Variants in MROH9 observed in about 807,000 individuals in gnomAD.
The protein encoded by MROH9 is maestro heat-like repeat-containing protein family member 9.
MROH9 carries 92 observed loss-of-function variants against 98.2 expected under a neutral mutation model. The observed-to-expected ratio is 0.94, with a 90% CI of 0.79 to 1.11. The LOEUF is 1.11. Among genes scored for constraint, MROH9 ranks in the 50% most tolerant of loss-of-function variants. MROH9 has a pLI of 0.00. For synonymous variants in MROH9, 397 were observed against 368.9 expected, an observed-to-expected ratio of 1.08 and a Z score of -0.87; for missense variants, 1,057 against 1,014.8, an observed-to-expected ratio of 1.04 and a Z score of -0.57.
intron 20 of MROH9, among the ~76,000 whole-genome samples, chr1:171,033,058 C>T (rs1324096909): frequency 1.3e-5 from 2 of 152,246 alleles, no homozygotes; most frequent in African/African-American, 4.8e-5. Context: ...CTGCCACAGA[C>T]TGCCACAGCC....
intron 20 of MROH9, among the ~76,000 whole-genome samples, chr1:171,039,274 T>C (rs1653218462): frequency 6.6e-6 from 1 of 152,202 alleles, no homozygotes; most frequent in South Asian, 2.1e-4. Context: ...TAACATTGTA[T>C]TTATGAAATA....
rs1571462385 is a variant in MROH9 at position 170,971,434 on chromosome 1, C to T, written c.481-314C>T. On this transcript the variant is annotated intron_variant, in intron 7 of 21. Coordinates refer to ENST00000367759, the MANE Select transcript of MROH9 (RefSeq NM_001163629.2). ...AATTTGCTACCTGCAAGTGACTACCCACTTCATGGCATAGAAACTAACATT... is the reference window on the plus strand; with the variant it reads ...AATTTGCTACCTGCAAGTGACTACCTACTTCATGGCATAGAAACTAACATT... 3.3e-5 allele frequency among the ~76,000 whole-genome samples: 5 copies of T among 152,272 alleles called. No individual in the cohort carries two copies. In the South Asian group the frequency reaches 8.3e-4, roughly 25 times the overall value.
rs1653468780 is a variant in MROH9 at position 171,046,247 on chromosome 1, T to C, written c.2282-15885T>C. ...TCAATTAACCTTACTTTTTCATCCA[T>C]TCAGCAAGTCTATGTCTTTTGATTG... On this transcript the variant is annotated intron_variant, in intron 20 of 21. Coordinates refer to ENST00000367759, the MANE Select transcript of MROH9 (RefSeq NM_001163629.2). Among the ~76,000 whole-genome samples the C allele has an allele frequency of 5.9e-5, 9 of 152,204 alleles. 1 individual carries two copies. The highest frequency in any genetic ancestry group is 5.9e-4 in the Admixed American group (9 of 15,290).
intron 3 of MROH9, among the ~76,000 whole-genome samples, chr1:170,957,856 T>C (rs1649832653): frequency 6.6e-6 from 1 of 150,732 alleles, no homozygotes; most frequent in African/African-American, 2.4e-5. Flanking sequence ...TCACCCAGGC[T>C]GGAGTGCAGT....
chr1:170,996,074 A>G (rs1651554805), intron 13 of MROH9, among the ~76,000 whole-genome samples: 2 of 152,064 alleles, frequency 1.3e-5, no homozygotes, highest in Admixed American at 6.6e-5. Context: ...TGATTTTGCT[A>G]CCCTGCAGGG....
At chr1:171,034,157 A>G (rs951235158) in intron 20 of MROH9, among the ~76,000 whole-genome samples, 7 of 152,214 alleles carry the variant, frequency 4.6e-5, no homozygotes, top group African/African-American at 1.7e-4. Flanking sequence ...TATAAAATAT[A>G]GAATATTGCT....
intron 20 of MROH9, among the ~76,000 whole-genome samples, chr1:171,049,676 T>C (rs1250612377): frequency 1.3e-5 from 2 of 151,826 alleles, no homozygotes; most frequent in African/African-American, 4.8e-5. Flanking sequence ...TTAATGAGTT[T>C]TTTCTTTTTT....
intron 7 of MROH9, among the ~76,000 whole-genome samples, chr1:170,966,021 T>A (rs903900639): frequency 6.6e-6 from 1 of 152,086 alleles, no homozygotes; most frequent in African/African-American, 2.4e-5. Flanking sequence ...ATCATTTAAT[T>A]TTTTTCTGCT....
In MROH9 at chr1:171,011,660, G is replaced by A. The variant is rs536375088; in HGVS notation, c.1597-2457G>A. ...CCATTGGAAAACCTACTAGGATGAC[G>A]CCCAGACATGTGTAATGTATAAAAG... On this transcript the variant is annotated intron_variant, in intron 15 of 21. Coordinates refer to ENST00000367759, the MANE Select transcript of MROH9 (RefSeq NM_001163629.2). Among the ~76,000 whole-genome samples the A allele has an allele frequency of 5.3e-5, 8 of 152,112 alleles. No homozygotes were observed. In the South Asian group the frequency reaches 6.2e-4, roughly 12 times the overall value.
At chr1:171,044,128 T>C (rs879514645) in intron 20 of MROH9, among the ~76,000 whole-genome samples, 25 of 152,192 alleles carry the variant, frequency 1.6e-4, no homozygotes, top group Admixed American at 8.5e-4. Flanking sequence ...TTTTATTATG[T>C]TGATGTATAT....
At chr1:171,027,567 C>T (rs1652761187) in intron 20 of MROH9, among the ~76,000 whole-genome samples, 1 of 152,168 alleles carries the variant, frequency 6.6e-6, no homozygotes, top group African/African-American at 2.4e-5. Flanking sequence ...TGGTTATATA[C>T]ATAGTAAAGG....
At chr1:170,983,363 G>A in intron 8 of MROH9, 59 bp from the exon 9 acceptor site, 4 of 1,234,194 alleles carry the variant, frequency 3.2e-6, no homozygotes, top group Non-Finnish European at 4.7e-6. Context: ...AAATAGTAAT[G>A]TCATAGAACA....
chr1:170,991,389 G>A (rs1334509817), intron 11 of MROH9, among the ~76,000 whole-genome samples: 1 of 152,118 alleles, frequency 6.6e-6, no homozygotes, highest in Non-Finnish European at 1.5e-5. Context: ...CAGGTGGGTA[G>A]TGGGTGCTAC....
intron 20 of MROH9, among the ~76,000 whole-genome samples, chr1:171,061,673 A>G (rs529933991): frequency 6.6e-6 from 1 of 152,354 alleles, no homozygotes; most frequent in Non-Finnish European, 1.5e-5. Flanking sequence ...CTGTATCTCA[A>G]GAAAACTTTA....
chr1:170,960,494 T>C lies in MROH9; in HGVS notation c.288+897T>C, dbSNP rs150575460. ...TTATTAATGTTACATATATTTTATA[T>C]ATCAGCTACTCACACATGGAAATTT... On this transcript the variant is annotated intron_variant, in intron 5 of 21. Transcript: ENST00000367759. Among the ~76,000 whole-genome samples, 435 of 152,356 alleles carry C rather than the reference T, an allele frequency of 2.9e-3. 2 individuals carry two copies. The highest frequency in any genetic ancestry group is 4.7e-3 in the Non-Finnish European group (321 of 68,026).
chr1:170,951,556 G>A (rs892182333), intron 3 of MROH9, among the ~76,000 whole-genome samples: 2 of 152,140 alleles, frequency 1.3e-5, no homozygotes, highest in African/African-American at 4.8e-5. Flanking sequence ...AAACTTGCTT[G>A]ATGTAGAAAC....
intron 3 of MROH9, among the ~76,000 whole-genome samples, chr1:170,954,546 C>T (rs1286025891): frequency 6.6e-6 from 1 of 151,862 alleles, no homozygotes; most frequent in Non-Finnish European, 1.5e-5. Context: ...ATATGTAGTT[C>T]CATTTTTAAT....
chr1:170,959,375 A>G, intron 4 of MROH9, 87 bp from the exon 5 acceptor site: 2 of 1,209,290 alleles, frequency 1.7e-6, no homozygotes, highest in African/African-American at 3.1e-5. Context: ...ACTCTGTCTC[A>G]AAATAAATAA....
At chr1:171,059,343 C>T (rs1653944685) in intron 20 of MROH9, among the ~76,000 whole-genome samples, 1 of 152,066 alleles carries the variant, frequency 6.6e-6, no homozygotes, top group African/African-American at 2.4e-5. Flanking sequence ...AATGAGATAC[C>T]ATCTCACACC....
Sources: allele counts gnomAD v4.1 joint callset (sites outside exome capture counted in the v4.1 genomes callset), GRCh38; gene constraint gnomAD v4.1.1; transcripts MANE v1.5; gene names NCBI Gene and HGNC (gene_info 2026-07-23, HGNC 2026-07-21).